The following CEP170 variants were observed in gnomAD, a reference collection of about 807,000 sequenced individuals.
CEP170 encodes centrosomal protein of 170 kDa.
A neutral mutation model predicts 151.9 loss-of-function variants in CEP170; 21 were observed. The ratio of observed to expected loss-of-function variants is 0.14; its 90% CI spans 0.10 to 0.20. The LOEUF (loss-of-function observed/expected upper bound fraction) is 0.20. Among genes scored for constraint, CEP170 ranks in the 10% least tolerant of loss-of-function variants. CEP170 has a pLI of 1.00. For synonymous variants in CEP170, 356 were observed against 648.8 expected (o/e 0.55, Z 6.86); for missense variants, 964 against 1,892.9 (o/e 0.51, Z 9.11).
intron 1 of CEP170, among the ~76,000 whole-genome samples, chr1:243,245,157 CA>C (rs1277472381): frequency 6.6e-6 from 1 of 151,738 alleles, no homozygotes; most frequent in Non-Finnish European, 1.5e-5. Context: ...TGTATGTGTG[CA>C]AAAGGCACAC....
rs1212113875 is a variant in CEP170 at position 243,205,313 on chromosome 1, T to C, written c.275-4478A>G. ...TCAACAGCTAGACTGTAAAACCTCA[T>C]GCATGATTCATGAGTCACTGGGTAG... On this transcript the variant is annotated intron_variant, in intron 4 of 19. Transcript: ENST00000366542. Among the ~76,000 whole-genome samples the C allele has an allele frequency of 5.9e-5, 9 of 152,312 alleles. No individual in the cohort carries two copies. The East Asian group carries it at 1.7e-3, about 29-fold the overall frequency.
At chr1:243,147,932 G>A (rs1253203421) in intron 14 of CEP170, among the ~76,000 whole-genome samples, 2 of 152,162 alleles carry the variant, frequency 1.3e-5, no homozygotes, top group African/African-American at 4.8e-5. Context: ...TGTAATCTCA[G>A]CACTTTGGGA....
In CEP170 at chr1:243,229,018, T is replaced by C. The variant is rs183014655; in HGVS notation, c.-41-3697A>G. 4.7e-3 allele frequency among the ~76,000 whole-genome samples: 723 copies of C among 152,350 alleles called. 4 individuals carry two copies. Among genetic ancestry groups the C allele is most frequent in the African/African-American group, 0.017 (698 of 41,582 alleles). On this transcript the variant is annotated intron_variant, in intron 1 of 19. Transcript: ENST00000366542. ...GGAATGTGATATAACAGGAAGCTAC[T>C]GTCTGTTTTTATATGAGACTTTCTC... is the stretch of plus-strand genomic sequence containing the variant.
chr1:243,220,175 T>A (rs982522156), intron 3 of CEP170, among the ~76,000 whole-genome samples: 4 of 152,192 alleles, frequency 2.6e-5, no homozygotes, highest in African/African-American at 9.7e-5. Context: ...AGCTTTATTT[T>A]AAAAAATGTG....
intron 4 of CEP170, among the ~76,000 whole-genome samples, chr1:243,209,201 T>C (rs1329697878): frequency 3.3e-5 from 5 of 152,230 alleles, no homozygotes; most frequent in Non-Finnish European, 7.3e-5. Context: ...ATTTATTTAT[T>C]TTAGACGGAG....
At position 243,221,820 on chromosome 1, in the gene CEP170, G is replaced by A. The variant is rs1432160457; in HGVS notation, c.106-7C>T. 2 of 1,603,606 alleles carry A rather than the reference G, an allele frequency of 1.2e-6. No homozygotes were observed. The highest frequency in any genetic ancestry group is 2.7e-5 in the African/African-American group (2 of 74,530). On this transcript the variant is annotated splice_polypyrimidine_tract_variant and splice_region_variant and intron_variant, in intron 2 of 19. Coordinates refer to ENST00000366542, the MANE Select transcript of CEP170 (RefSeq NM_014812.3). ...GCTTATCCACACTACGAGACTGAAA[G>A]GAATGTTGTCAGTTAATAAATATAA... is the stretch of plus-strand genomic sequence containing the variant.
intron 16 of CEP170, among the ~76,000 whole-genome samples, chr1:243,139,672 T>G (rs553597225): frequency 7.2e-5 from 11 of 152,296 alleles, no homozygotes; most frequent in Non-Finnish European, 1.3e-4. Context: ...TTTCATGCAT[T>G]AAGAACTAAA....
At chr1:243,223,855 G>A (rs1263547280) in intron 2 of CEP170, among the ~76,000 whole-genome samples, 6 of 151,850 alleles carry the variant, frequency 4.0e-5, no homozygotes, top group Non-Finnish European at 8.8e-5. Flanking sequence ...TAAAAAAGCA[G>A]CCAATGAAAA....
In CEP170 at chr1:243,165,556, C is replaced by T. The variant is rs572733185; in HGVS notation, c.2404G>A (p.Val802Met). 1.9e-6 allele frequency: 3 copies of T among 1,613,818 alleles called. No individual in the cohort carries two copies. Among genetic ancestry groups the T allele is most frequent in the African/African-American group, 2.7e-5 (2 of 75,006 alleles). The change falls in exon 13 of 20, where the codon GTG (valine) becomes ATG (methionine). Residue 802 changes from valine to methionine, a missense_variant. By Grantham distance (21) the Val-to-Met change is conservative. Coordinates refer to ENST00000366542, the MANE Select transcript of CEP170 (RefSeq NM_014812.3). The part of the protein sequence containing the change: ...SGHSTSKGDR[V>M]AQSESKRRKA... ...CTTCTCTTGCTCTCACTTTGTGCCA[C>T]TCTGTCTCCTTTGCTTGTAGAATGT...
At chr1:243,245,366 G>T (rs1455663905) in intron 1 of CEP170, among the ~76,000 whole-genome samples, 2 of 152,008 alleles carry the variant, frequency 1.3e-5, no homozygotes, top group Admixed American at 6.6e-5. Context: ...AACTGCTAGA[G>T]CCCAGGAGTT....
intron 8 of CEP170, among the ~76,000 whole-genome samples, chr1:243,189,805 C>T (rs1247806913): frequency 6.6e-6 from 1 of 152,044 alleles, no homozygotes; most frequent in Admixed American, 6.5e-5. Context: ...ATATAAACAG[C>T]CTATGTGTTT....
At chr1:243,143,470 A>G (rs1420632201) in intron 14 of CEP170, among the ~76,000 whole-genome samples, 5 of 152,154 alleles carry the variant, frequency 3.3e-5, no homozygotes, top group Non-Finnish European at 7.3e-5. Context: ...ACCTGTGATA[A>G]TCAAAGGTGA....
At chr1:243,233,900 G>A (rs999776723) in intron 1 of CEP170, among the ~76,000 whole-genome samples, 2 of 151,746 alleles carry the variant, frequency 1.3e-5, no homozygotes, top group Non-Finnish European at 2.9e-5. Flanking sequence ...ATATATGACA[G>A]TATAACAAGA....
intron 14 of CEP170, among the ~76,000 whole-genome samples, chr1:243,145,431 C>T (rs1159450081): frequency 7.2e-5 from 11 of 152,298 alleles, no homozygotes; most frequent in African/African-American, 1.2e-4. Flanking sequence ...TGCACCACCA[C>T]GCCCGGCTAA....
In CEP170 at chr1:243,124,645, T is replaced by C. The variant is rs2053568862; in HGVS notation, c.*1804A>G. The C allele has an allele frequency of 6.6e-6, 1 of 152,530 alleles. No individual in the cohort carries two copies. The highest frequency in any genetic ancestry group is 2.4e-5 in the African/African-American group (1 of 41,460). 9.4% of individuals were successfully genotyped at this position (152,530 alleles called of 1,614,324 possible). ...GATTCTAGTATTTTCCTAAACTCCT[T>C]ACCTTCTACTTCCATGTGGATATAA... On this transcript the variant is annotated 3_prime_UTR_variant, in exon 20 of 20. Transcript: ENST00000366542.
intron 14 of CEP170, among the ~76,000 whole-genome samples, chr1:243,155,039 C>A (rs866941678): frequency 2.2e-4 from 34 of 152,172 alleles, no homozygotes; most frequent in Middle Eastern, 3.2e-3. Context: ...GCTCTCACTA[C>A]AAGCATTTTG....
chr1:243,213,860 G>C (rs182291472), intron 3 of CEP170, among the ~76,000 whole-genome samples: 107 of 152,174 alleles, frequency 7.0e-4, no homozygotes, highest in Middle Eastern at 3.4e-3. Flanking sequence ...CTAGAGGCTT[G>C]TGCCACCACA....
intron 4 of CEP170, among the ~76,000 whole-genome samples, chr1:243,202,568 T>C (rs1030353704): frequency 1.1e-4 from 17 of 151,918 alleles, no homozygotes; most frequent in Middle Eastern, 3.2e-3. Context: ...TAAACACATA[T>C]ATATAATATA....
At chr1:243,212,641 C>G (rs1328689009) in intron 3 of CEP170, among the ~76,000 whole-genome samples, 1 of 151,776 alleles carries the variant, frequency 6.6e-6, no homozygotes, top group Non-Finnish European at 1.5e-5. Context: ...GAAGCAATAA[C>G]CAACAAAAAA....
Sources: gnomAD v4.1 joint callset for allele counts (sites outside exome capture counted in the v4.1 genomes callset) on GRCh38, gnomAD v4.1.1 for gene constraint, MANE v1.5 for transcripts, NCBI Gene and HGNC (gene_info 2026-07-23, HGNC 2026-07-21) for gene names.